The following CACNA2D3 variants were observed in gnomAD, a reference collection of about 807,000 sequenced individuals.
The protein encoded by CACNA2D3 is calcium voltage-gated channel auxiliary subunit alpha2delta 3, also known as voltage-dependent calcium channel subunit alpha-2/delta-3.
A neutral mutation model predicts 160.6 loss-of-function variants in CACNA2D3; 60 were observed. That is an observed-to-expected ratio of 0.37 (90% confidence interval 0.30 to 0.46). The LOEUF (loss-of-function observed/expected upper bound fraction) is 0.46, where lower values mean the gene tolerates loss of function less well. CACNA2D3 is among the 20% of genes least tolerant of loss of function. The pLI, the probability that CACNA2D3 is intolerant of heterozygous loss-of-function variation, is 1.00. For synonymous variants in CACNA2D3, 558 were observed against 492.9 expected, an observed-to-expected ratio of 1.13 and a Z score of -1.75; for missense variants, 1,205 against 1,365.0, an observed-to-expected ratio of 0.88 and a Z score of 1.85.
chr3:54,988,903 C>G (rs959092997), intron 31 of CACNA2D3, among the ~76,000 whole-genome samples: 1 of 152,246 alleles, frequency 6.6e-6, no homozygotes, highest in African/African-American at 2.4e-5. Flanking sequence ...CTGCCTGTAG[C>G]AGATCGTCCC....
At chr3:54,192,822 G>A (rs542012896) in intron 2 of CACNA2D3, among the ~76,000 whole-genome samples, 1 of 152,302 alleles carries the variant, frequency 6.6e-6, no homozygotes, top group South Asian at 2.1e-4. Flanking sequence ...AAGGGAAAGT[G>A]ACTTCAAATG....
At chr3:54,267,016 G>T (rs1333773243) in intron 2 of CACNA2D3, among the ~76,000 whole-genome samples, 1 of 152,146 alleles carries the variant, frequency 6.6e-6, no homozygotes, top group Admixed American at 6.5e-5. Context: ...TGAAATGGGG[G>T]GAGGCTGTAA....
chr3:54,291,494 T>C (rs899478661), intron 2 of CACNA2D3, among the ~76,000 whole-genome samples: 1 of 152,190 alleles, frequency 6.6e-6, no homozygotes, highest in Non-Finnish European at 1.5e-5. Flanking sequence ...CTCTTGTCAT[T>C]TTTGCTGTTG....
At chr3:54,785,985 T>A (rs1402521499) in intron 13 of CACNA2D3, among the ~76,000 whole-genome samples, 3 of 152,162 alleles carry the variant, frequency 2.0e-5, no homozygotes, top group African/African-American at 7.2e-5. Context: ...TTATTTTAGT[T>A]CCTGGGAGGT....
chr3:54,880,759 C>T, intron 20 of CACNA2D3, 37 bp from the exon 21 acceptor site: 1 of 1,558,034 alleles, frequency 6.4e-7, no homozygotes, highest in Non-Finnish European at 8.9e-7. Context: ...CGAGTCGATG[C>T]CAGGGATTTC....
intron 8 of CACNA2D3, among the ~76,000 whole-genome samples, chr3:54,576,716 A>G (rs1702588309): frequency 6.6e-6 from 1 of 152,156 alleles, no homozygotes; most frequent in Non-Finnish European, 1.5e-5. Context: ...TTGCAGCATC[A>G]CAAATAAGCA....
At chr3:54,608,772 A>T (rs1190438224) in intron 9 of CACNA2D3, among the ~76,000 whole-genome samples, 1 of 152,226 alleles carries the variant, frequency 6.6e-6, no homozygotes, top group Non-Finnish European at 1.5e-5. Flanking sequence ...AATGTGTTTT[A>T]AAAGAATGCA....
In CACNA2D3 at chr3:54,877,989, T is replaced by TA. The variant is rs146803443; in HGVS notation, c.1711-1022dup. Among the ~76,000 whole-genome samples the TA allele has an allele frequency of 6.9e-3, 1,058 of 152,314 alleles. 11 individuals are homozygous for TA. Among genetic ancestry groups the TA allele is most frequent in the African/African-American group, 0.024 (1,005 of 41,558 alleles). ...TCCAGAAATGCCTATTATGTGTTGT[T>TA]AAAAAAATATCTAGAGTAAAATATA... On this transcript the variant is annotated intron_variant, in intron 18 of 37. Transcript: ENST00000474759.
intron 14 of CACNA2D3, among the ~76,000 whole-genome samples, chr3:54,832,903 A>G (rs930584586): frequency 2.0e-5 from 3 of 152,126 alleles, no homozygotes; most frequent in African/African-American, 7.2e-5. Context: ...AGCAAAATGG[A>G]TGGGTCACAA....
At chr3:54,516,312 G>A (rs893993079) in intron 5 of CACNA2D3, among the ~76,000 whole-genome samples, 15 of 152,174 alleles carry the variant, frequency 9.9e-5, no homozygotes, top group Non-Finnish European at 1.6e-4. Context: ...GTGTGGCAGT[G>A]CCATTTCATC....
intron 4 of CACNA2D3, among the ~76,000 whole-genome samples, chr3:54,473,833 G>T (rs1700780030): frequency 6.6e-6 from 1 of 152,160 alleles, no homozygotes; most frequent in South Asian, 2.1e-4. Flanking sequence ...ACCACAATGA[G>T]ATACCATCTC....
intron 3 of CACNA2D3, among the ~76,000 whole-genome samples, chr3:54,385,644 G>A (rs916516225): frequency 1.3e-5 from 2 of 152,072 alleles, no homozygotes; most frequent in Admixed American, 1.3e-4. Context: ...AAAGTTACCC[G>A]AATGTATTTC....
intron 31 of CACNA2D3, among the ~76,000 whole-genome samples, chr3:54,998,243 C>T (rs182941131): frequency 1.2e-3 from 173 of 149,208 alleles, no homozygotes; most frequent in African/African-American, 3.9e-3. Flanking sequence ...TCAAGCAATT[C>T]TCATGTCTTA....
At chr3:55,059,742 G>A (rs973417845) in intron 35 of CACNA2D3, among the ~76,000 whole-genome samples, 1 of 152,124 alleles carries the variant, frequency 6.6e-6, no homozygotes, top group African/African-American at 2.4e-5. Context: ...TGGTGGATAC[G>A]GGGATTTTAT....
At chr3:54,242,931 G>A (rs531962402) in intron 2 of CACNA2D3, among the ~76,000 whole-genome samples, 1 of 152,342 alleles carries the variant, frequency 6.6e-6, no homozygotes, top group South Asian at 2.1e-4. Context: ...GAATTTTGAA[G>A]ATGACTGACA....
At chr3:54,494,157 A>C (rs929329423) in intron 4 of CACNA2D3, among the ~76,000 whole-genome samples, 1 of 152,236 alleles carries the variant, frequency 6.6e-6, no homozygotes, top group Non-Finnish European at 1.5e-5. Flanking sequence ...TGACATGGGG[A>C]ACAAGGATTC....
chr3:54,450,790 A>G (rs999807913), intron 4 of CACNA2D3, among the ~76,000 whole-genome samples: 1 of 151,864 alleles, frequency 6.6e-6, no homozygotes, highest in African/African-American at 2.4e-5. Context: ...AGACAATCTC[A>G]TGTAATTATA....
intron 2 of CACNA2D3, among the ~76,000 whole-genome samples, chr3:54,129,616 A>G (rs1216325251): frequency 1.3e-5 from 2 of 152,206 alleles, no homozygotes; most frequent in Admixed American, 6.5e-5. Flanking sequence ...ACTTCAGAGT[A>G]TTTATCTTGG....
intron 9 of CACNA2D3, among the ~76,000 whole-genome samples, chr3:54,623,987 G>T (rs72868899): frequency 0.027 from 4,080 of 152,172 alleles, 176 homozygotes; most frequent in African/African-American, 0.093. Flanking sequence ...AAGACCAGGA[G>T]GGTGATCTGG....
Sources: allele counts gnomAD v4.1 joint callset (sites outside exome capture counted in the v4.1 genomes callset), GRCh38; gene constraint gnomAD v4.1.1; transcripts MANE v1.5; gene names NCBI Gene and HGNC (gene_info 2026-07-23, HGNC 2026-07-21).